Variants in SLC67A1 observed in about 807,000 individuals in gnomAD.
SLC67A1 encodes the protein solute carrier family 67 member A1.
the SLC67A1 span, chr11:2,922,394 C>T: frequency 8.8e-6 from 14 of 1,598,318 alleles, no homozygotes; most frequent in South Asian, 3.4e-5. Context: ...AGCCTGGTCC[C>T]GTGAGGCCCC....
the SLC67A1 span, among the ~76,000 whole-genome samples, chr11:2,900,943 C>T: frequency 2.0e-5 from 3 of 152,078 alleles, no homozygotes; most frequent in Non-Finnish European, 4.4e-5. Context: ...TACAGTCAAA[C>T]AAGAGAGGTC....
chr11:2,908,679 G>A, the SLC67A1 span, among the ~76,000 whole-genome samples: 1 of 152,178 alleles, frequency 6.6e-6, no homozygotes, highest in Non-Finnish European at 1.5e-5. Flanking sequence ...CACTGAGCTT[G>A]AGAGAGGACA....
At chr11:2,911,668 G>A in the SLC67A1 span, among the ~76,000 whole-genome samples, 1 of 152,274 alleles carries the variant, frequency 6.6e-6, no homozygotes, top group Non-Finnish European at 1.5e-5. Context: ...CTATGAAATG[G>A]GCCCTCCCCT....
the SLC67A1 span, among the ~76,000 whole-genome samples, chr11:2,904,244 G>C: frequency 6.6e-6 from 1 of 152,176 alleles, no homozygotes; most frequent in Non-Finnish European, 1.5e-5. Context: ...GAAGCCCGGC[G>C]TGCGTGGGCT....
At chr11:2,915,660 C>T in the SLC67A1 span, among the ~76,000 whole-genome samples, 6 of 152,230 alleles carry the variant, frequency 3.9e-5, no homozygotes, top group African/African-American at 1.4e-4. Flanking sequence ...AGGGCTGGGG[C>T]CTCACCAAGA....
the SLC67A1 span, chr11:2,915,238 C>T: frequency 1.0e-6 from 1 of 985,200 alleles, no homozygotes; most frequent in Non-Finnish European, 1.2e-6. Flanking sequence ...CCCCTCCTTG[C>T]TCTGGCAAAC....
the SLC67A1 span, chr11:2,903,276 A>ACTT: frequency 5.3e-4 from 838 of 1,574,758 alleles, no homozygotes; most frequent in Non-Finnish European, 6.7e-4. Context: ...GATCAACTGG[A>ACTT]CTTTTGCCCC....
At chr11:2,917,802 G>A in the SLC67A1 span, among the ~76,000 whole-genome samples, 1 of 152,242 alleles carries the variant, frequency 6.6e-6, no homozygotes, top group Non-Finnish European at 1.5e-5. Flanking sequence ...GAGGGGCGGT[G>A]CCCAACCTGG....
At chr11:2,925,129 A>C in the SLC67A1 span, 1 of 1,613,876 alleles carries the variant, frequency 6.2e-7, no homozygotes, top group Non-Finnish European at 8.5e-7. This position sits in a 1 kb window ranked among gnomAD's most constrained non-coding sequence, Gnocchi z 6.5. Context: ...GCAGGTTGCT[A>C]TCAATACCCT....
At chr11:2,909,457 G>A in the SLC67A1 span, 1 of 1,298,674 alleles carries the variant, frequency 7.7e-7, no homozygotes, top group Non-Finnish European at 9.9e-7. Flanking sequence ...GCGGGGTCTG[G>A]CCCTAAGGGC....
chr11:2,922,010 TG>T, the SLC67A1 span: 1 of 954,568 alleles, frequency 1.0e-6, no homozygotes, highest in Non-Finnish European at 1.7e-6. Flanking sequence ...CAGGCCAGTC[TG>T]GAGGTCCCCA....
chr11:2,909,699 C>A, the SLC67A1 span: 1 of 1,538,442 alleles, frequency 6.5e-7, no homozygotes, highest in Non-Finnish European at 8.7e-7. Context: ...GGACCCTGGT[C>A]TCCGCGTACG....
At chr11:2,914,334 G>A in the SLC67A1 span, among the ~76,000 whole-genome samples, 1 of 152,190 alleles carries the variant, frequency 6.6e-6, no homozygotes, top group Non-Finnish European at 1.5e-5. Flanking sequence ...GAGCAGGAGG[G>A]GCTGACGGCA....
chr11:2,904,119 T>C, the SLC67A1 span, among the ~76,000 whole-genome samples: 1 of 152,232 alleles, frequency 6.6e-6, no homozygotes, highest in African/African-American at 2.4e-5. Context: ...GCTGTAATAG[T>C]AATGATTAAA....
the SLC67A1 span, chr11:2,909,061 G>A: frequency 6.3e-6 from 5 of 789,478 alleles, no homozygotes; most frequent in Admixed American, 1.3e-4. Context: ...CCCAGCAGCC[G>A]CCCAGGCGCC....
the SLC67A1 span, among the ~76,000 whole-genome samples, chr11:2,906,686 C>T: frequency 2.3e-5 from 3 of 132,584 alleles, no homozygotes; most frequent in South Asian, 2.5e-4. Context: ...GGACACAGGG[C>T]GGGGAATATC....
the SLC67A1 span, among the ~76,000 whole-genome samples, chr11:2,923,341 T>TGCAAAGGG: frequency 7.9e-6 from 1 of 126,338 alleles, no homozygotes; most frequent in African/African-American, 3.1e-5. This position sits in a 1 kb window ranked among gnomAD's most constrained non-coding sequence, Gnocchi z 6.5. Flanking sequence ...ATCCAGAAAC[T>TGCAAAGGG]CAGGGCACAC....
chr11:2,923,454 T>C, the SLC67A1 span, among the ~76,000 whole-genome samples: 4 of 139,978 alleles, frequency 2.9e-5, no homozygotes, highest in East Asian at 8.7e-4. This position sits in a 1 kb window ranked among gnomAD's most constrained non-coding sequence, Gnocchi z 6.5. Flanking sequence ...AGGCAGCAGA[T>C]CCAGAAACTC....
chr11:2,912,655 G>T, the SLC67A1 span, among the ~76,000 whole-genome samples: 1 of 152,230 alleles, frequency 6.6e-6, no homozygotes, highest in Non-Finnish European at 1.5e-5. Context: ...GGTATAACTG[G>T]TTTGGGCCCA....
Sources: gnomAD v4.1 joint callset for allele counts (sites outside exome capture counted in the v4.1 genomes callset) on GRCh38, gnomAD v4.1.1 for gene constraint, Gnocchi (gnomAD v3.1) non-coding constraint, MANE v1.5 for transcripts, NCBI Gene and HGNC (gene_info 2026-07-23, HGNC 2026-07-21) for gene names.